The following KDELR1 variants were observed in gnomAD, a reference collection of about 807,000 sequenced individuals.
The protein encoded by KDELR1 is ER lumen protein-retaining receptor 1.
In KDELR1, 16 loss-of-function variants were observed where a neutral mutation model predicts 25.5. The observed-to-expected ratio is 0.63, with a 90% CI of 0.43 to 0.95. The LOEUF (loss-of-function observed/expected upper bound fraction) is 0.95. Ranked by LOEUF, KDELR1 falls within the 40% of genes least tolerant of loss-of-function variation. KDELR1 has a pLI of 0.00. For missense variants in KDELR1, 159 were observed against 265.2 expected, an observed-to-expected ratio of 0.60 and a Z score of 2.78; for synonymous variants, 121 against 115.0, an observed-to-expected ratio of 1.05 and a Z score of -0.33.
At chr19:48,390,722 C>A in intron 1 of KDELR1, 198 bp from the exon 2 acceptor site, 1 of 556,186 alleles carries the variant, frequency 1.8e-6, no homozygotes, top group South Asian at 2.1e-5. Context: ...CAGCCCGCCC[C>A]GCCTGAGCAG....
intron 3 of KDELR1, among the ~76,000 whole-genome samples, chr19:48,386,640 G>A (rs1361272746): frequency 6.6e-6 from 1 of 150,430 alleles, no homozygotes; most frequent in South Asian, 2.1e-4. Context: ...TAGACAGGGG[G>A]TTTCAGCATC....
At chr19:48,393,738 C>T (rs940266595), upstream of KDELR1, among the ~76,000 whole-genome samples, 44 of 152,108 alleles carry the variant, frequency 2.9e-4, no homozygotes, top group African/African-American at 9.7e-4. The surrounding 1 kb of genome is among the most constrained non-coding windows in gnomAD (Gnocchi z 5.6). Context: ...CTCCTCCAAG[C>T]CGCGGCCGCC....
chr19:48,392,824 G>C (rs973357310), upstream of KDELR1, among the ~76,000 whole-genome samples: 5 of 152,082 alleles, frequency 3.3e-5, no homozygotes, highest in African/African-American at 9.7e-5. Flanking sequence ...CCTGCCCCAC[G>C]CTCTACCCCA....
At chr19:48,390,547 G>T in intron 1 of KDELR1, 23 bp from the exon 2 acceptor site, 1 of 958,362 alleles carries the variant, frequency 1.0e-6, no homozygotes, top group Non-Finnish European at 1.5e-6. Flanking sequence ...GACAGAGAAA[G>T]AGAGAGAGAG....
chr19:48,390,332 C>T (rs1970535331), intron 2 of KDELR1, 92 bp downstream of exon 2: 2 of 940,042 alleles, frequency 2.1e-6, no homozygotes, highest in Non-Finnish European at 3.3e-6. Flanking sequence ...GTCCAGGCCC[C>T]CAGCCCCTCC....
upstream of KDELR1, among the ~76,000 whole-genome samples, chr19:48,394,339 G>A (rs1419988111): frequency 6.6e-6 from 1 of 151,444 alleles, no homozygotes; most frequent in Non-Finnish European, 1.5e-5. This position sits in a 1 kb window ranked among gnomAD's most constrained non-coding sequence, Gnocchi z 5.1. Context: ...AGGTGGCCAA[G>A]CGAGGAAGGG....
At chr19:48,393,705 T>C (rs1436896466), upstream of KDELR1, among the ~76,000 whole-genome samples, 1 of 151,242 alleles carries the variant, frequency 6.6e-6, no homozygotes, top group Non-Finnish European at 1.5e-5. The surrounding 1 kb of genome is among the most constrained non-coding windows in gnomAD (Gnocchi z 5.6). Flanking sequence ...ACACAGCGAG[T>C]GTGTGAGTCC....
At chr19:48,385,322 C>A (rs774231119) in intron 3 of KDELR1, among the ~76,000 whole-genome samples, 42 of 152,210 alleles carry the variant, frequency 2.8e-4, no homozygotes, top group Non-Finnish European at 4.6e-4. Context: ...GAGGGACCCT[C>A]CCTGGCCATC....
At chr19:48,388,803 GAA>G (rs1970516598) in intron 3 of KDELR1, among the ~76,000 whole-genome samples, 1 of 145,374 alleles carries the variant, frequency 6.9e-6, no homozygotes, top group Non-Finnish European at 1.5e-5. Flanking sequence ...GAAAGAGAAA[GAA>G]AGGAAGGAAG....
Position 48,389,723 on chromosome 19 carries a change from G to T in KDELR1, c.193-12C>A. 1 of 1,613,674 alleles carries T rather than the reference G, an allele frequency of 6.2e-7. No homozygotes were observed. The highest frequency in any genetic ancestry group is 1.7e-5 in the Admixed American group (1 of 60,000). On this transcript the variant is annotated splice_polypyrimidine_tract_variant and intron_variant, in intron 2 of 4. Coordinates refer to ENST00000330720, the MANE Select transcript of KDELR1 (RefSeq NM_006801.3). ...GCTATGTAGACCACCTGAGGAGGGG[G>T]ATGATGAGAAGGGGCCTCAACTCAC...
the KDELR1 span, among the ~76,000 whole-genome samples, chr19:48,396,795 G>C: frequency 6.6e-6 from 1 of 152,022 alleles, no homozygotes; most frequent in Non-Finnish European, 1.5e-5. Context: ...CTGTCTGTGG[G>C]GTGGACGAGG....
At chr19:48,386,395 G>A (rs536641545) in intron 3 of KDELR1, among the ~76,000 whole-genome samples, 86 of 151,154 alleles carry the variant, frequency 5.7e-4, no homozygotes, top group Non-Finnish European at 8.8e-4. Flanking sequence ...GGGATCACAG[G>A]CGTGAGCCAC....
At chr19:48,391,687 C>A, upstream of KDELR1, 1 of 385,242 alleles carries the variant, frequency 2.6e-6, no homozygotes, top group Non-Finnish European at 4.9e-6. Flanking sequence ...CAAAGCTGCC[C>A]CATAGGAACT....
In KDELR1 at chr19:48,384,515, A is replaced by G. The variant is rs748184786; in HGVS notation, c.352-33T>C. ...GAGGCCGGGGACATGATGAGGTGGG[A>G]GGGGACAGGGCGGGAGAAAAGGCAG... On this transcript the variant is annotated intron_variant, in intron 3 of 4. Transcript: ENST00000330720. The surrounding 1 kb of genome is among the most constrained non-coding windows in gnomAD (Gnocchi z 4.6). 1.9e-6 allele frequency: 3 copies of G among 1,600,612 alleles called. No homozygotes were observed. The highest frequency in any genetic ancestry group is 1.1e-5 in the South Asian group (1 of 89,574).
At position 48,384,185 on chromosome 19, in the gene KDELR1, G is replaced by A; in HGVS notation, c.604+45C>T. ...CCAGTCCCCAGGGAGGGCAGGAGCT[G>A]CAGAAATAGGAGGTTCCCTTCCAGC... On this transcript the variant is annotated intron_variant, in intron 4 of 4. Transcript: ENST00000330720. The surrounding 1 kb of genome is among the most constrained non-coding windows in gnomAD (Gnocchi z 4.6). The A allele has an allele frequency of 1.2e-6, 2 of 1,607,058 alleles. No homozygotes were observed. The highest frequency in any genetic ancestry group is 2.2e-5 in the East Asian group (1 of 44,738).
chr19:48,395,540 C>A (rs1040409099), upstream of KDELR1, among the ~76,000 whole-genome samples: 2 of 151,966 alleles, frequency 1.3e-5, no homozygotes, highest in Non-Finnish European at 2.9e-5. Context: ...GGGATGCCGT[C>A]TGCAGCACAA....
chr19:48,386,191 G>A (rs1320929506), intron 3 of KDELR1, among the ~76,000 whole-genome samples: 1 of 149,914 alleles, frequency 6.7e-6, no homozygotes, highest in African/African-American at 2.5e-5. Context: ...TCGGCTCACT[G>A]CAAACCTCCA....
chr19:48,383,204 A>G lies in KDELR1; in HGVS notation c.*89T>C. The G allele has an allele frequency of 1.4e-6, 2 of 1,402,374 alleles. No homozygotes were observed. Among genetic ancestry groups the G allele is most frequent in the South Asian group, 2.5e-5 (2 of 81,046 alleles). 86.9% of individuals were successfully genotyped at this position (1,402,374 alleles called of 1,614,324 possible). The stretch of plus-strand genomic sequence containing the variant: ...AGCACAAGAGGTGGGTTCTTAAAAA[A>G]GTCACCCCTGGATGGGAAAGCTCTT... On this transcript the variant is annotated 3_prime_UTR_variant, in exon 5 of 5. Coordinates refer to ENST00000330720, the MANE Select transcript of KDELR1 (RefSeq NM_006801.3).
rs1270628269 is a variant in KDELR1 at position 48,391,543 on chromosome 19, G to T, written c.-185C>A. The T allele has an allele frequency of 1.2e-5, 7 of 590,288 alleles. No individual in the cohort carries two copies. In the Admixed American group the frequency reaches 2.0e-4, roughly 17 times the overall value. 36.6% of individuals were successfully genotyped at this position (590,288 alleles called of 1,614,324 possible). A position where few individuals can be genotyped will look rare whatever the true frequency, so the allele number is the denominator to read the frequency against. ...GGCTGGAGCTGGCGGCGGAGCTGGAGCCGGGAAGAGGGAGGAGAGCGAGAG... is the reference window on the plus strand; with the variant it reads ...GGCTGGAGCTGGCGGCGGAGCTGGATCCGGGAAGAGGGAGGAGAGCGAGAG... On this transcript the variant is annotated 5_prime_UTR_variant, in exon 1 of 5. Coordinates refer to ENST00000330720, the MANE Select transcript of KDELR1 (RefSeq NM_006801.3).
Sources: allele counts gnomAD v4.1 joint callset (sites outside exome capture counted in the v4.1 genomes callset), GRCh38; gene constraint gnomAD v4.1.1; non-coding constraint Gnocchi (gnomAD v3.1); transcripts MANE v1.5; gene names NCBI Gene and HGNC (gene_info 2026-07-23, HGNC 2026-07-21).